LRRC8B: variants seen among roughly 807,000 people sequenced by gnomAD.
LRRC8B encodes volume-regulated anion channel subunit LRRC8B.
A neutral mutation model predicts 58.8 loss-of-function variants in LRRC8B; 23 were observed. The ratio of observed to expected loss-of-function variants is 0.39; its 90% CI spans 0.28 to 0.55. The LOEUF (loss-of-function observed/expected upper bound fraction) is 0.55, where lower values mean the gene tolerates loss of function less well. Among genes scored for constraint, LRRC8B ranks in the 20% least tolerant of loss-of-function variants. LRRC8B has a pLI of 0.62. For missense variants in LRRC8B, 694 were observed against 936.0 expected (o/e 0.74, Z 3.37); for synonymous variants, 359 against 374.1 (o/e 0.96, Z 0.47).
intron 1 of LRRC8B, among the ~76,000 whole-genome samples, chr1:89,562,715 C>T (rs562146874): frequency 2.2e-4 from 33 of 152,248 alleles, no homozygotes; most frequent in African/African-American, 7.7e-4. Flanking sequence ...AAGTATCTTC[C>T]CATCTTGAGC....
At chr1:89,548,796 T>C (rs926713042) in intron 1 of LRRC8B, among the ~76,000 whole-genome samples, 1 of 152,202 alleles carries the variant, frequency 6.6e-6, no homozygotes, top group African/African-American at 2.4e-5. Context: ...TGGGAGCCTT[T>C]GTTGACACTT....
intron 5 of LRRC8B, among the ~76,000 whole-genome samples, chr1:89,586,503 T>C (rs55877166): frequency 0.033 from 5,007 of 152,292 alleles, 120 homozygotes; most frequent in Non-Finnish European, 0.053. Context: ...TAGCTGGCCA[T>C]GCATTATTTA....
intron 5 of LRRC8B, among the ~76,000 whole-genome samples, chr1:89,590,332 G>A (rs1483217896): frequency 1.3e-5 from 2 of 152,210 alleles, no homozygotes; most frequent in African/African-American, 2.4e-5. Flanking sequence ...GGATAAAATT[G>A]CTGAATTGAA....
intron 1 of LRRC8B, among the ~76,000 whole-genome samples, chr1:89,536,572 G>T (rs563295238): frequency 6.6e-6 from 1 of 152,158 alleles, no homozygotes; most frequent in African/African-American, 2.4e-5. Flanking sequence ...AGAGAAAACA[G>T]AAAAAACCCT....
chr1:89,530,174 C>G (rs1404502296), intron 1 of LRRC8B, among the ~76,000 whole-genome samples: 1 of 150,960 alleles, frequency 6.6e-6, no homozygotes, highest in African/African-American at 2.4e-5. Context: ...CATGGTGAAA[C>G]CCCGTCTCTA....
chr1:89,597,324 T>C lies in LRRC8B; in HGVS notation c.*4281T>C, dbSNP rs1309942726. On this transcript the variant is annotated 3_prime_UTR_variant, in exon 6 of 6. Coordinates refer to ENST00000330947, the MANE Select transcript of LRRC8B (RefSeq NM_001369817.2). ...GCTTTCAGTTGAGTTTAATTTCATA[T>C]TTAACTTTTGCATTTAACTTGTATA... The C allele has an allele frequency of 1.3e-5, 2 of 152,212 alleles. No homozygotes were observed. The highest frequency in any genetic ancestry group is 2.9e-5 in the Non-Finnish European group (2 of 68,034). 9.4% of individuals were successfully genotyped at this position (152,212 alleles called of 1,614,324 possible). A position where few individuals can be genotyped will look rare whatever the true frequency, so the allele number is the denominator to read the frequency against.
In LRRC8B at chr1:89,583,457, T is replaced by C. The variant is rs1319899639; in HGVS notation, c.807T>C (p.Phe269=). 1 of 1,614,142 alleles carries C rather than the reference T, an allele frequency of 6.2e-7. No individual in the cohort carries two copies. Among genetic ancestry groups the C allele is most frequent in the Non-Finnish European group, 8.5e-7 (1 of 1,179,998 alleles). The change falls in exon 5 of 6, where the codon TTT becomes TTC. Residue 269 remains phenylalanine, a synonymous_variant. Transcript: ENST00000330947. The surrounding 1 kb of genome is among the most constrained non-coding windows in gnomAD (Gnocchi z 5.2). ...LKQIIVKVIL[F]VLIITYVPYF... Reference sequence around the variant, plus strand: ...AGATAATAGTCAAAGTCATTTTGTTTGTGCTCATCATAACTTATGTTCCAT... The same window carrying C: ...AGATAATAGTCAAAGTCATTTTGTTCGTGCTCATCATAACTTATGTTCCAT...
chr1:89,562,208 C>T (rs1399012978), intron 1 of LRRC8B, among the ~76,000 whole-genome samples: 2 of 149,038 alleles, frequency 1.3e-5, no homozygotes, highest in Non-Finnish European at 3.0e-5. Context: ...CACCCATCCT[C>T]CCACTTTCTT....
At position 89,583,433 on chromosome 1, in the gene LRRC8B, G is replaced by A; in HGVS notation, c.783G>A (p.Gln261=). The change falls in exon 5 of 6, where the codon CAG becomes CAA. Residue 261 remains glutamine (Q), a synonymous_variant. Transcript: ENST00000330947. This position sits in a 1 kb window ranked among gnomAD's most constrained non-coding sequence, Gnocchi z 5.2. ...KDIIYRVYLK[Q]IIVKVILFVL... Reference sequence around the variant, plus strand: ...TCATTTATAGAGTATATCTGAAACAGATAATAGTCAAAGTCATTTTGTTTG... The same window carrying A: ...TCATTTATAGAGTATATCTGAAACAAATAATAGTCAAAGTCATTTTGTTTG... 6.2e-7 allele frequency: 1 copy of A among 1,614,120 alleles called. No homozygotes were observed. The highest frequency in any genetic ancestry group is 8.5e-7 in the Non-Finnish European group (1 of 1,180,016).
intron 1 of LRRC8B, among the ~76,000 whole-genome samples, chr1:89,531,688 A>G (rs1650144479): frequency 6.6e-6 from 1 of 152,252 alleles, no homozygotes; most frequent in African/African-American, 2.4e-5. Flanking sequence ...TGGCTGCATC[A>G]GTGCAGATAC....
At chr1:89,563,925 C>CTCACATTT (rs1652860065) in intron 1 of LRRC8B, among the ~76,000 whole-genome samples, 1 of 152,174 alleles carries the variant, frequency 6.6e-6, no homozygotes, top group African/African-American at 2.4e-5. Context: ...TTCCAAGTCT[C>CTCACATTT]TCACATTTTC....
intron 1 of LRRC8B, among the ~76,000 whole-genome samples, chr1:89,565,779 A>G (rs1421208887): frequency 1.3e-5 from 2 of 152,222 alleles, no homozygotes; most frequent in Non-Finnish European, 2.9e-5. Flanking sequence ...GAGTGGGCTC[A>G]TCACCGATCA....
intron 1 of LRRC8B, among the ~76,000 whole-genome samples, chr1:89,540,707 A>G (rs1456840177): frequency 6.6e-6 from 1 of 152,212 alleles, no homozygotes; most frequent in African/African-American, 2.4e-5. Context: ...GAGAGATTAT[A>G]TCAGATTAGT....
intron 1 of LRRC8B, among the ~76,000 whole-genome samples, chr1:89,564,628 T>A (rs1479235314): frequency 6.6e-6 from 1 of 152,162 alleles, no homozygotes; most frequent in Non-Finnish European, 1.5e-5. Flanking sequence ...AACAGATAAT[T>A]ATTGAGACTG....
intron 1 of LRRC8B, among the ~76,000 whole-genome samples, chr1:89,529,236 A>T (rs1649928335): frequency 6.6e-6 from 1 of 152,148 alleles, no homozygotes; most frequent in Admixed American, 6.5e-5. Flanking sequence ...TTAATTGTCT[A>T]GTTTCCCTGC....
chr1:89,575,958 A>T (rs1653815424), intron 3 of LRRC8B, among the ~76,000 whole-genome samples: 1 of 152,220 alleles, frequency 6.6e-6, no homozygotes, highest in South Asian at 2.1e-4. Context: ...ATGTATTCCC[A>T]TTCCCGTGCC....
In LRRC8B at chr1:89,582,920, C is replaced by A; in HGVS notation, c.270C>A (p.Pro90=). Reference sequence around the variant, plus strand: ...ATCCTGGGACACCGCTTCCGCTCCCCCTCCGAATTCAGAATGACCTCCACC... The same window carrying A: ...ATCCTGGGACACCGCTTCCGCTCCCACTCCGAATTCAGAATGACCTCCACC... ...SSNPGTPLPL[P]LRIQNDLHRQ... is the part of the protein sequence containing the mutation. The change falls in exon 5 of 6, where the codon CCC becomes CCA. Residue 90 remains proline, a synonymous_variant. Coordinates refer to ENST00000330947, the MANE Select transcript of LRRC8B (RefSeq NM_001369817.2). 1 of 1,614,204 alleles carries A rather than the reference C, an allele frequency of 6.2e-7. No individual in the cohort carries two copies. Among genetic ancestry groups the A allele is most frequent in the East Asian group, 2.2e-5 (1 of 44,876 alleles).
At chr1:89,537,261 C>T (rs762170986) in intron 1 of LRRC8B, among the ~76,000 whole-genome samples, 7 of 152,136 alleles carry the variant, frequency 4.6e-5, no homozygotes, top group Non-Finnish European at 1.0e-4. Flanking sequence ...AAGACCCTGT[C>T]GCTTAAGAAC....
At chr1:89,525,799 C>T (rs1430357854) in intron 1 of LRRC8B, among the ~76,000 whole-genome samples, 1 of 152,020 alleles carries the variant, frequency 6.6e-6, no homozygotes, top group East Asian at 1.9e-4. Context: ...AGACACCCCT[C>T]TAAAAGAACA....
Sources: allele counts gnomAD v4.1 joint callset (sites outside exome capture counted in the v4.1 genomes callset), GRCh38; gene constraint gnomAD v4.1.1; non-coding constraint Gnocchi (gnomAD v3.1); transcripts MANE v1.5; gene names NCBI Gene and HGNC (gene_info 2026-07-23, HGNC 2026-07-21).